The following DCAF17 variants were observed in gnomAD, a reference collection of about 807,000 sequenced individuals.
DCAF17 encodes DDB1 and CUL4 associated factor 17, also known as DDB1- and CUL4-associated factor 17.
In DCAF17, 48 loss-of-function variants were observed where a neutral mutation model predicts 66.0. The observed-to-expected ratio is 0.73, with a 90% CI of 0.58 to 0.92. DCAF17 has a LOEUF of 0.92. Among genes scored for constraint, DCAF17 ranks in the 40% least tolerant of loss-of-function variants. DCAF17 has a pLI of 0.00. For missense variants in DCAF17, 562 were observed against 622.8 expected, an observed-to-expected ratio of 0.90 and a Z score of 1.04; for synonymous variants, 206 against 214.6, an observed-to-expected ratio of 0.96 and a Z score of 0.35.
chr2:171,458,016 A>G lies in DCAF17; in HGVS notation c.673A>G (p.Ile225Val), dbSNP rs1695358683. ...TGCTACCTTGTCTCATGGAATACTG[A>G]TTGTGATGTACAGCTCAGGACTGGT... ...TDATLSHGILIVMYSSGLVRL... is the reference protein window; with the variant it reads ...TDATLSHGILVVMYSSGLVRL... The change falls in exon 7 of 14, where the codon ATT becomes GTT. Residue 225 changes from isoleucine (I) to valine (V), a missense_variant. Physicochemically the swap from Ile to Val is conservative, Grantham distance 29 (BLOSUM62 3). Around this residue, in one of 3 missense-constraint regions of DCAF17, gnomAD observed 348 missense variants for 355.9 expected, o/e 0.98. Transcript: ENST00000375255. The G allele has an allele frequency of 7.4e-6, 12 of 1,613,952 alleles. No homozygotes were observed. The highest frequency in any genetic ancestry group is 2.2e-5 in the East Asian group (1 of 44,896).
chr2:171,472,298 G>A (rs1438187298), intron 9 of DCAF17, among the ~76,000 whole-genome samples: 1 of 152,002 alleles, frequency 6.6e-6, no homozygotes, highest in African/African-American at 2.4e-5. Flanking sequence ...TCCTGCCTCA[G>A]CCTCCTGAGT....
intron 3 of DCAF17, among the ~76,000 whole-genome samples, chr2:171,443,923 G>C (rs1030414022): frequency 2.0e-5 from 3 of 152,102 alleles, no homozygotes; most frequent in Non-Finnish European, 2.9e-5. Context: ...TAGTGTTTAA[G>C]AGATCATTCC....
chr2:171,458,962 T>C (rs1695419980), intron 8 of DCAF17, among the ~76,000 whole-genome samples: 1 of 152,204 alleles, frequency 6.6e-6, no homozygotes, highest in South Asian at 2.1e-4. Context: ...TATACAAGTC[T>C]ATAAATATAG....
chr2:171,462,957 C>G lies in DCAF17; in HGVS notation c.838+4480C>G, dbSNP rs371677535. ...AAAAGAAGGAGGAGTTTTAACTGGG[C>G]ATAGTGGCTCATGCCTGTAATCTGA... is the stretch of plus-strand genomic sequence containing the variant. On this transcript the variant is annotated intron_variant, in intron 8 of 13. Coordinates refer to ENST00000375255, the MANE Select transcript of DCAF17 (RefSeq NM_025000.4). 2.6e-5 allele frequency among the ~76,000 whole-genome samples: 4 copies of G among 152,222 alleles called. No homozygotes were observed. The East Asian group carries it at 5.8e-4, about 22-fold the overall frequency.
intron 6 of DCAF17, 102 bp from the exon 7 acceptor site, chr2:171,457,869 A>G (rs1215447850): frequency 2.2e-6 from 2 of 928,124 alleles, no homozygotes; most frequent in African/African-American, 1.6e-5. Context: ...CAGTGTTATC[A>G]TAGTGACATG....
At chr2:171,443,814 T>A (rs1393721085) in intron 3 of DCAF17, among the ~76,000 whole-genome samples, 2 of 151,928 alleles carry the variant, frequency 1.3e-5, no homozygotes, top group Non-Finnish European at 2.9e-5. Flanking sequence ...TATGAATGTG[T>A]TTTTAAAATT....
chr2:171,448,583 T>C, intron 3 of DCAF17, 98 bp from the exon 4 acceptor site: 1 of 1,090,228 alleles, frequency 9.2e-7, no homozygotes. Flanking sequence ...TTTATTTATT[T>C]GGCATTTGAA....
intron 9 of DCAF17, chr2:171,472,932 G>A (rs914265497): frequency 1.2e-5 from 4 of 334,556 alleles, no homozygotes; most frequent in Admixed American, 8.7e-5. Context: ...GTTGATGTTC[G>A]TTCCCAGTGC....
At chr2:171,475,133 G>A (rs1247782599) in intron 10 of DCAF17, among the ~76,000 whole-genome samples, 1 of 152,102 alleles carries the variant, frequency 6.6e-6, no homozygotes, top group East Asian at 1.9e-4. Flanking sequence ...AAAACTGAGG[G>A]CCTGTTCCCT....
intron 10 of DCAF17, among the ~76,000 whole-genome samples, chr2:171,475,205 G>A (rs1696440625): frequency 6.6e-6 from 1 of 152,124 alleles, no homozygotes; most frequent in Admixed American, 6.6e-5. Context: ...TTATGGCCCA[G>A]CTTCAATGTC....
In DCAF17 at chr2:171,473,709, C is replaced by T. The variant is rs1696366868; in HGVS notation, c.982-157C>T. On this transcript the variant is annotated intron_variant, in intron 9 of 13. Transcript: ENST00000375255. Reference sequence around the variant, plus strand: ...AAATGTTCAGAATTTCTCAAATTTGCATGTCCTCATTTGGCCCTCAAATAT... The same window carrying T: ...AAATGTTCAGAATTTCTCAAATTTGTATGTCCTCATTTGGCCCTCAAATAT... 1.3e-5 allele frequency among the ~76,000 whole-genome samples: 2 copies of T among 152,188 alleles called. 1 individual carries two copies. Among genetic ancestry groups the T allele is most frequent in the Admixed American group, 1.3e-4 (2 of 15,278 alleles).
chr2:171,458,067 G>A lies in DCAF17; in HGVS notation c.724G>A (p.Ala242Thr), dbSNP rs149650431. Residue 242 changes from alanine to threonine, a missense_variant, in exon 7 of 14, where the codon GCT becomes ACT. By Grantham distance (58) the Ala-to-Thr change is moderately conservative. This residue lies in a region of DCAF17 where 348 missense variants were observed against 355.9 expected (regional missense o/e 0.98). Transcript: ENST00000375255. ...CAGACTCTATAGCTTCCAAACCATC[G>A]CTGAACAGGTAGAGAAAACTGAAAT... Reference protein sequence around the residue: ...LVRLYSFQTIAEQFMQQKLDL... With the variant: ...LVRLYSFQTITEQFMQQKLDL... 8.8e-4 allele frequency: 1,412 copies of A among 1,613,420 alleles called. 2 individuals are homozygous for A. The highest frequency in any genetic ancestry group is 1.3e-3 in the South Asian group (117 of 91,060).
In DCAF17 at chr2:171,481,744, G is replaced by A. The variant is rs1257512251; in HGVS notation, c.*630G>A. The A allele has an allele frequency of 2.2e-6, 1 of 453,688 alleles. No homozygotes were observed. Among genetic ancestry groups the A allele is most frequent in the Non-Finnish European group, 4.4e-6 (1 of 226,690 alleles). 28.1% of individuals were successfully genotyped at this position (453,688 alleles called of 1,614,324 possible). On this transcript the variant is annotated 3_prime_UTR_variant, in exon 14 of 14. Transcript: ENST00000375255. ...CTTGGTTTTGTTCTCTTGGCTTGAT[G>A]TTCACATTGAATATTTGTGTTTCTA...
intron 2 of DCAF17, among the ~76,000 whole-genome samples, chr2:171,440,500 A>C (rs970716994): frequency 6.6e-6 from 1 of 152,122 alleles, no homozygotes; most frequent in Non-Finnish European, 1.5e-5. Context: ...GCTTGAGCCC[A>C]GGAGGTCAAG....
At chr2:171,458,164 T>A in intron 7 of DCAF17, 89 bp downstream of exon 7, 3 of 1,237,638 alleles carry the variant, frequency 2.4e-6, no homozygotes, top group South Asian at 1.2e-5. Context: ...GCTTTTAGAG[T>A]AAGGCACTTC....
intron 3 of DCAF17, among the ~76,000 whole-genome samples, chr2:171,445,495 C>T (rs7568037): frequency 0.2 from 30,640 of 151,946 alleles, 3,232 homozygotes; most frequent in South Asian, 0.28. Flanking sequence ...TAAGAAAAAC[C>T]AGGAGCATTT....
intron 6 of DCAF17, among the ~76,000 whole-genome samples, chr2:171,457,711 G>A (rs927116348): frequency 2.6e-5 from 4 of 152,240 alleles, no homozygotes; most frequent in African/African-American, 9.6e-5. Context: ...ATGCTATGAA[G>A]CAGATGAATG....
At chr2:171,450,025 ATGAAAAATCTAATGATCTTTTATTTC>A in intron 5 of DCAF17, 68 bp downstream of exon 5, 1 of 1,311,706 alleles carries the variant, frequency 7.6e-7, no homozygotes, top group East Asian at 2.3e-5. Context: ...CAGATTTGTT[ATGAAAAATCTAATGATCTTTTATTTC>A]TGAAGCATGC....
At chr2:171,480,918 A>T in intron 13 of DCAF17, 56 bp from the exon 14 acceptor site, 2 of 1,608,238 alleles carry the variant, frequency 1.2e-6, no homozygotes, top group Non-Finnish European at 1.7e-6. Flanking sequence ...TTTTAGTAAC[A>T]CAGTAGTGAA....
Sources: allele counts gnomAD v4.1 joint callset (sites outside exome capture counted in the v4.1 genomes callset), GRCh38; gene constraint gnomAD v4.1.1; regional missense constraint gnomAD v4.1.1; transcripts MANE v1.5; gene names NCBI Gene and HGNC (gene_info 2026-07-23, HGNC 2026-07-21).